Variants in DCUN1D4 observed in about 807,000 individuals in gnomAD.
The protein encoded by DCUN1D4 is DCN1-like protein 4.
In DCUN1D4, 22 loss-of-function variants were observed where a neutral mutation model predicts 47.9. That is an observed-to-expected ratio of 0.46 (90% CI 0.33 to 0.66). The LOEUF is 0.66. Ranked by LOEUF, DCUN1D4 falls within the 30% of genes least tolerant of loss-of-function variation. The probability of loss-of-function intolerance (pLI) is 0.02; values close to 1 mark genes in which losing one functional copy is unlikely to be tolerated. For synonymous variants in DCUN1D4, 121 were observed against 112.2 expected (o/e 1.08, Z -0.50); for missense variants, 301 against 340.8 (o/e 0.88, Z 0.92).
intron 7 of DCUN1D4, among the ~76,000 whole-genome samples, chr4:51,895,559 T>TAA (rs67542268): frequency 5.6e-5 from 5 of 88,496 alleles, no homozygotes; most frequent in Non-Finnish European, 9.5e-5. Context: ...TGCTTAAACT[T>TAA]AAAAAAAAAA....
rs943209000 is a variant in DCUN1D4 at position 51,913,722 on chromosome 4, A to G, written c.*138A>G. On this transcript the variant is annotated 3_prime_UTR_variant, in exon 11 of 11. Coordinates refer to ENST00000334635, the MANE Select transcript of DCUN1D4 (RefSeq NM_001040402.3). Reference sequence around the variant, plus strand: ...TCGCAGGGACATGTTGGTGTTTGCTATTGAATTGGCCAGCTCTGCTTGCTG... The same window carrying G: ...TCGCAGGGACATGTTGGTGTTTGCTGTTGAATTGGCCAGCTCTGCTTGCTG... 1.0e-5 allele frequency: 8 copies of G among 770,452 alleles called. No homozygotes were observed. The East Asian group carries it at 1.3e-4, about 12-fold the overall frequency. The allele number at this position is 770,452 out of a possible 1,614,324, so 47.7% of individuals were successfully genotyped here.
At chr4:51,912,787 C>T (rs953288070) in intron 9 of DCUN1D4, among the ~76,000 whole-genome samples, 5 of 152,180 alleles carry the variant, frequency 3.3e-5, no homozygotes, top group Admixed American at 6.5e-5. Flanking sequence ...TACCGGATCT[C>T]GTCAAGTAAC....
At chr4:51,907,550 T>C (rs1733086695) in intron 8 of DCUN1D4, among the ~76,000 whole-genome samples, 1 of 152,194 alleles carries the variant, frequency 6.6e-6, no homozygotes, top group Non-Finnish European at 1.5e-5. Flanking sequence ...ATGTACCAAT[T>C]TCTGACTTCA....
intron 1 of DCUN1D4, among the ~76,000 whole-genome samples, chr4:51,856,980 G>A (rs983548156): frequency 3.9e-5 from 6 of 152,162 alleles, no homozygotes; most frequent in African/African-American, 7.2e-5. Flanking sequence ...ATCTGGCCTC[G>A]TCTTCAACTT....
chr4:51,879,021 G>A (rs1411409501), intron 5 of DCUN1D4, among the ~76,000 whole-genome samples: 3 of 152,204 alleles, frequency 2.0e-5, no homozygotes, highest in African/African-American at 7.2e-5. Flanking sequence ...TTTTCAGATT[G>A]AAGCTGGGAG....
the DCUN1D4 span, among the ~76,000 whole-genome samples, chr4:51,834,432 A>G: frequency 6.6e-6 from 1 of 151,842 alleles, no homozygotes; most frequent in Non-Finnish European, 1.5e-5. Flanking sequence ...AAGCATCTCC[A>G]TTTCATGATG....
At chr4:51,846,558 C>T (rs1366679991) in intron 1 of DCUN1D4, among the ~76,000 whole-genome samples, 1 of 152,178 alleles carries the variant, frequency 6.6e-6, no homozygotes, top group East Asian at 1.9e-4. Flanking sequence ...ACATTATTAT[C>T]TCAATCATCA....
chr4:51,884,030 C>T (rs1577969793), intron 5 of DCUN1D4, among the ~76,000 whole-genome samples: 1 of 149,252 alleles, frequency 6.7e-6, no homozygotes, highest in Admixed American at 6.7e-5. Context: ...TATGTTTATA[C>T]ATTTATATAA....
intron 7 of DCUN1D4, among the ~76,000 whole-genome samples, chr4:51,895,181 A>G (rs943022832): frequency 1.3e-5 from 2 of 151,254 alleles, no homozygotes; most frequent in African/African-American, 4.9e-5. Context: ...ACCCTTCATT[A>G]TATTTGGTTA....
chr4:51,905,333 C>A, intron 8 of DCUN1D4: 1 of 353,198 alleles, frequency 2.8e-6, no homozygotes, highest in Non-Finnish European at 6.0e-6. Flanking sequence ...CAGTGTCCTT[C>A]ACAGAGCCAC....
chr4:51,904,964 T>C (rs1049376816), intron 8 of DCUN1D4, among the ~76,000 whole-genome samples: 1 of 152,150 alleles, frequency 6.6e-6, no homozygotes, highest in Non-Finnish European at 1.5e-5. Context: ...TGGTATATAT[T>C]AAATATTCTG....
chr4:51,867,916 G>A (rs186491374), intron 3 of DCUN1D4, among the ~76,000 whole-genome samples: 5 of 152,340 alleles, frequency 3.3e-5, no homozygotes, highest in African/African-American at 1.2e-4. Flanking sequence ...TTCGTGCCAA[G>A]GGGCACCTGC....
At chr4:51,855,482 G>A (rs912539180) in intron 1 of DCUN1D4, among the ~76,000 whole-genome samples, 1 of 152,154 alleles carries the variant, frequency 6.6e-6, no homozygotes, top group Non-Finnish European at 1.5e-5. Flanking sequence ...GAAGTTAGAT[G>A]AGACATCTCT....
chr4:51,843,135 G>T, upstream of DCUN1D4: 1 of 1,498,462 alleles, frequency 6.7e-7, no homozygotes, highest in Non-Finnish European at 8.9e-7. Context: ...GGCTGGGAGT[G>T]CCCGGCGGCG....
At chr4:51,843,347 C>T in intron 1 of DCUN1D4, 80 bp downstream of exon 1, 2 of 1,447,352 alleles carry the variant, frequency 1.4e-6, no homozygotes, top group South Asian at 2.7e-5. Flanking sequence ...GTCCCCGCCC[C>T]ACGCCTCGGG....
At chr4:51,835,643 G>A in the DCUN1D4 span, among the ~76,000 whole-genome samples, 1 of 152,092 alleles carries the variant, frequency 6.6e-6, no homozygotes, top group South Asian at 2.1e-4. Context: ...TGTGGGGTGG[G>A]GACAGGGCAG....
intron 1 of DCUN1D4, 69 bp from the exon 2 acceptor site, chr4:51,863,363 GTTTAT>G: frequency 8.2e-7 from 1 of 1,222,824 alleles, no homozygotes; most frequent in Admixed American, 2.0e-5. Context: ...CAAAACATTT[GTTTAT>G]TTTCTGAGTT....
chr4:51,844,949 G>A (rs1722285517), intron 1 of DCUN1D4: 3 of 985,474 alleles, frequency 3.0e-6, no homozygotes, highest in African/African-American at 3.5e-5. Context: ...GAGTTCCCAG[G>A]GACGGAGCGA....
At chr4:51,844,615 A>G (rs988227461) in intron 1 of DCUN1D4, among the ~76,000 whole-genome samples, 1 of 151,632 alleles carries the variant, frequency 6.6e-6, no homozygotes, top group African/African-American at 2.4e-5. Flanking sequence ...GGTTGGTGCC[A>G]TGGAACCCGC....
Sources: allele counts gnomAD v4.1 joint callset (sites outside exome capture counted in the v4.1 genomes callset), GRCh38; gene constraint gnomAD v4.1.1; transcripts MANE v1.5; gene names NCBI Gene and HGNC (gene_info 2026-07-23, HGNC 2026-07-21).